The following TTC7A variants were observed in gnomAD, a reference collection of about 807,000 sequenced individuals.
TTC7A encodes the protein tetratricopeptide repeat protein 7A.
TTC7A carries 110 observed loss-of-function variants against 103.7 expected under a neutral mutation model. The ratio of observed to expected loss-of-function variants is 1.06; its 90% confidence interval spans 0.91 to 1.24. TTC7A has a LOEUF of 1.24. Among genes scored for constraint, TTC7A ranks in the 50% most tolerant of loss-of-function variants. The pLI, the probability that TTC7A is intolerant of heterozygous loss-of-function variation, is 0.00. For synonymous variants in TTC7A, 521 were observed against 467.9 expected, an observed-to-expected ratio of 1.11 and a Z score of -1.47; for missense variants, 1,340 against 1,116.3, an observed-to-expected ratio of 1.20 and a Z score of -2.86.
In TTC7A at chr2:46,973,745, C is replaced by T. The variant is rs146467206; in HGVS notation, c.518-1228C>T. ...CGTGCCAGTAGCGGCCAAGTCTGCA[C>T]AGAATGAAGTCCCAGGATACCCAGA... On this transcript the variant is annotated intron_variant, in intron 3 of 19. Transcript: ENST00000319190. Among the ~76,000 whole-genome samples the T allele has an allele frequency of 5.3e-3, 808 of 152,248 alleles. 4 individuals carry two copies. Among genetic ancestry groups the T allele is most frequent in the Non-Finnish European group, 8.3e-3 (563 of 68,022 alleles).
At chr2:46,927,355 A>ATTT (rs60808815) in intron 2 of TTC7A, among the ~76,000 whole-genome samples, 3 of 132,876 alleles carry the variant, frequency 2.3e-5, no homozygotes, top group Non-Finnish European at 3.2e-5. Context: ...AGAAAAAAAG[A>ATTT]TTTTTTTTTT....
chr2:47,074,926 C>T lies in TTC7A; in HGVS notation c.*1003C>T, dbSNP rs1406822635. 2 of 152,294 alleles carry T rather than the reference C, an allele frequency of 1.3e-5. No individual in the cohort carries two copies. 9.4% of individuals were successfully genotyped at this position (152,294 alleles called of 1,614,324 possible). A position where few individuals can be genotyped will look rare whatever the true frequency, so the allele number is the denominator to read the frequency against. ...TGTCCTCCCTACTGGCTTCCCCGGC[C>T]CCTGCTGCATGATGCTCTTGGAACT... On this transcript the variant is annotated 3_prime_UTR_variant, in exon 20 of 20. Transcript: ENST00000319190.
In TTC7A at chr2:47,058,049, C is replaced by G. The variant is rs184202854; in HGVS notation, c.2153-2720C>G. On this transcript the variant is annotated intron_variant, in intron 18 of 19. Coordinates refer to ENST00000319190, the MANE Select transcript of TTC7A (RefSeq NM_020458.4). ...TATGAGGGCAGCCTGTTCAGATGCC[C>G]CAGCAGCAGCTCAACAGCAAAGCGG... Among the ~76,000 whole-genome samples the G allele has an allele frequency of 4.6e-3, 696 of 152,278 alleles. 5 individuals are homozygous for G. The highest frequency in any genetic ancestry group is 0.016 in the African/African-American group (660 of 41,550).
chr2:47,036,827 C>T (rs1446341490), intron 15 of TTC7A, among the ~76,000 whole-genome samples: 4 of 152,216 alleles, frequency 2.6e-5, no homozygotes, highest in Non-Finnish European at 4.4e-5. Flanking sequence ...TATTACACTC[C>T]AGCTTGGGTG....
chr2:47,018,381 G>A (rs1428894692), intron 11 of TTC7A, among the ~76,000 whole-genome samples: 1 of 151,484 alleles, frequency 6.6e-6, no homozygotes, highest in Non-Finnish European at 1.5e-5. Context: ...TCAGGAGTTC[G>A]AGACCACCCA....
At chr2:47,021,617 G>T (rs1412373211) in intron 11 of TTC7A, among the ~76,000 whole-genome samples, 1 of 152,236 alleles carries the variant, frequency 6.6e-6, no homozygotes, top group Non-Finnish European at 1.5e-5. Context: ...ACAGACACAG[G>T]CCCCTACAGA....
chr2:46,935,202 G>A (rs1459927387), intron 2 of TTC7A, among the ~76,000 whole-genome samples: 1 of 152,096 alleles, frequency 6.6e-6, no homozygotes, highest in East Asian at 1.9e-4. Flanking sequence ...AAAGAGCTGT[G>A]AAGGGGTCAG....
intron 4 of TTC7A, among the ~76,000 whole-genome samples, chr2:46,977,566 C>A (rs546707781): frequency 1.6e-4 from 25 of 152,166 alleles, no homozygotes; most frequent in African/African-American, 6.0e-4. Context: ...GATGTTCTGA[C>A]GTTCCATGCT....
intron 1 of TTC7A, among the ~76,000 whole-genome samples, chr2:46,942,587 C>G (rs910539844): frequency 4.6e-5 from 7 of 152,154 alleles, no homozygotes; most frequent in Admixed American, 3.9e-4. Context: ...TCCTGTGTGC[C>G]AGACACTGTC....
intron 17 of TTC7A, 65 bp downstream of exon 17, chr2:47,050,111 C>A: frequency 1.5e-6 from 2 of 1,378,960 alleles, no homozygotes; most frequent in Non-Finnish European, 2.1e-6. Flanking sequence ...AGCTTGAGAG[C>A]ACCAACACAG....
intron 3 of TTC7A, chr2:46,974,665 CT>C (rs1238950903): frequency 6.1e-6 from 3 of 491,654 alleles, no homozygotes; most frequent in Admixed American, 2.3e-5. Flanking sequence ...TTTAAAAAAC[CT>C]CATTCTCTTT....
At chr2:47,067,322 G>C (rs1684260084) in intron 19 of TTC7A, among the ~76,000 whole-genome samples, 2 of 152,238 alleles carry the variant, frequency 1.3e-5, no homozygotes, top group African/African-American at 4.8e-5. Context: ...TCAACGTTGG[G>C]CATTTTTATC....
intron 9 of TTC7A, among the ~76,000 whole-genome samples, chr2:47,006,302 A>G (rs1677372136): frequency 1.3e-5 from 2 of 152,270 alleles, no homozygotes; most frequent in Middle Eastern, 3.2e-3. Flanking sequence ...TGCCATGCAC[A>G]GTAATAATAA....
chr2:46,956,958 C>G lies in TTC7A; in HGVS notation c.468C>G (p.Asn156Lys), dbSNP rs1274728618. The change falls in exon 3 of 20, where the codon AAC (asparagine) becomes AAG (lysine). Residue 156 changes from asparagine (N) to lysine (K), a missense_variant. Asn to Lys is a moderately conservative substitution (Grantham distance 94, BLOSUM62 0). Coordinates refer to ENST00000319190, the MANE Select transcript of TTC7A (RefSeq NM_020458.4). ...RAGIDDMSME[N>K]KPLYQMRLLS... The stretch of plus-strand genomic sequence containing the variant: ...GGATTGATGACATGTCCATGGAGAA[C>G]AAGCCCCTGTATCAGATGCGGCTGC... The G allele has an allele frequency of 1.9e-6, 3 of 1,614,166 alleles. No homozygotes were observed. In the South Asian group the frequency reaches 3.3e-5, roughly 18 times the overall value.
At position 47,011,324 on chromosome 2, in the gene TTC7A, T is replaced by C. The variant is rs967109047; in HGVS notation, c.1288-7T>C. ...GTGACAGTGTTTCCTGCTCTTTTTT[T>C]CTGCAGTCAGCCTACGCTGTGTCCC... On this transcript the variant is annotated splice_polypyrimidine_tract_variant and splice_region_variant and intron_variant, in intron 10 of 19. Coordinates refer to ENST00000319190, the MANE Select transcript of TTC7A (RefSeq NM_020458.4). The C allele has an allele frequency of 2.5e-5, 41 of 1,612,250 alleles. No homozygotes were observed. The Admixed American group carries it at 3.2e-4, about 12-fold the overall frequency.
At chr2:46,974,070 T>C (rs1320774891) in intron 3 of TTC7A, among the ~76,000 whole-genome samples, 2 of 152,188 alleles carry the variant, frequency 1.3e-5, no homozygotes, top group African/African-American at 4.8e-5. Context: ...ACTGCAGTCC[T>C]CATAGGGGCC....
rs950384446 is a variant in TTC7A at position 47,058,884 on chromosome 2, G to T, written c.2153-1885G>T. Among the ~76,000 whole-genome samples, 3 of 152,176 alleles carry T rather than the reference G, an allele frequency of 2.0e-5. 1 individual carries two copies. In the East Asian group the frequency reaches 5.8e-4, roughly 29 times the overall value. ...CTGGTTGCAGGACAGATCCTCCCCT[G>T]CCTGCTGGCCCAAAGGGGTGTGTGT... On this transcript the variant is annotated intron_variant, in intron 18 of 19. Coordinates refer to ENST00000319190, the MANE Select transcript of TTC7A (RefSeq NM_020458.4).
intron 16 of TTC7A, chr2:47,047,439 G>A (rs1682441014): frequency 5.5e-6 from 4 of 731,922 alleles, no homozygotes; most frequent in Non-Finnish European, 9.1e-6. Flanking sequence ...CTGCCAGAAG[G>A]AGGCTCTGGG....
intron 2 of TTC7A, among the ~76,000 whole-genome samples, chr2:46,928,787 C>T (rs1013572540): frequency 1.3e-5 from 2 of 151,434 alleles, no homozygotes; most frequent in African/African-American, 4.9e-5. Flanking sequence ...AAAAGTCCCA[C>T]GTTTGAAATC....
Sources: gnomAD v4.1 joint callset for allele counts (sites outside exome capture counted in the v4.1 genomes callset) on GRCh38, gnomAD v4.1.1 for gene constraint, MANE v1.5 for transcripts, NCBI Gene and HGNC (gene_info 2026-07-23, HGNC 2026-07-21) for gene names.